Variants in CD86 observed in about 807,000 individuals in gnomAD.
The protein encoded by CD86 is CD86 molecule, also known as T-lymphocyte activation antigen CD86.
CD86 carries 11 observed loss-of-function variants against 32.1 expected under a neutral mutation model. The ratio of observed to expected loss-of-function variants is 0.34; its 90% CI spans 0.22 to 0.57. The LOEUF is 0.57. Ranked by LOEUF, CD86 falls within the 20% of genes least tolerant of loss-of-function variation. CD86 has a pLI of 0.86. For missense variants in CD86, 359 were observed against 398.4 expected, an observed-to-expected ratio of 0.90 and a Z score of 0.84; for synonymous variants, 137 against 135.3, an observed-to-expected ratio of 1.01 and a Z score of -0.09.
intron 2 of CD86, among the ~76,000 whole-genome samples, chr3:122,098,735 T>C (rs2107533093): frequency 6.6e-6 from 1 of 152,294 alleles, no homozygotes; most frequent in African/African-American, 2.4e-5. Flanking sequence ...TCTTAACATA[T>C]TGGAGTTCAG....
rs887781625 is a variant in CD86, at chr3:122,108,754, C to G, written c.704-511C>G. The stretch of plus-strand genomic sequence containing the variant: ...CTGCTGTGACCTCAGTAGGAAAAAA[C>G]TAAACAAACAAGCAAATGAAAACTA... On this transcript the variant is annotated intron_variant, in intron 4 of 6. Transcript: ENST00000330540. 5.3e-5 allele frequency among the ~76,000 whole-genome samples: 8 copies of G among 152,222 alleles called. No individual in the cohort carries two copies. The South Asian group carries it at 1.7e-3, about 32-fold the overall frequency.
chr3:122,086,727 T>A (rs1417962981), intron 1 of CD86: 3 of 405,882 alleles, frequency 7.4e-6, no homozygotes, highest in Admixed American at 2.6e-5. Flanking sequence ...AAGGGATACT[T>A]TGGGGCCCCT....
intron 1 of CD86, among the ~76,000 whole-genome samples, chr3:122,061,764 A>C (rs997528707): frequency 2.0e-5 from 3 of 152,230 alleles, no homozygotes; most frequent in Non-Finnish European, 4.4e-5. Flanking sequence ...TGGTCAAGCC[A>C]CTCTAGAAAA....
intron 1 of CD86, among the ~76,000 whole-genome samples, chr3:122,088,052 T>C (rs1017861747): frequency 6.6e-6 from 1 of 152,142 alleles, no homozygotes; most frequent in African/African-American, 2.4e-5. Flanking sequence ...TATAATTTGA[T>C]TTGTGTCCCT....
intron 6 of CD86, 69 bp downstream of exon 6, chr3:122,118,162 G>C: frequency 1.5e-6 from 2 of 1,311,084 alleles, no homozygotes; most frequent in Non-Finnish European, 2.2e-6. Flanking sequence ...ACTTGAATAG[G>C]CTTATGCCTA....
intron 1 of CD86, among the ~76,000 whole-genome samples, chr3:122,068,514 A>T (rs2107505014): frequency 6.6e-6 from 1 of 152,230 alleles, no homozygotes; most frequent in East Asian, 1.9e-4. Context: ...TTAGACAAAT[A>T]GGCCACTTAA....
rs756459360 is a variant in CD86 at position 122,109,320 on chromosome 3, T to C, written c.759T>C (p.Leu253=). The C allele has an allele frequency of 4.3e-6, 7 of 1,613,954 alleles. No individual in the cohort carries two copies. The African/African-American group carries it at 9.3e-5, about 22-fold the overall frequency. The stretch of plus-strand genomic sequence containing the variant: ...ACATTCCTTGGATTACAGCTGTACT[T>C]CCAACAGTTATTATATGTGTGATGG... ...PDHIPWITAV[L]PTVIICVMVF... is the part of the protein sequence containing the mutation. Residue 253 remains leucine (L), a synonymous_variant, in exon 5 of 7, where the codon CTT becomes CTC. Transcript: ENST00000330540.
chr3:122,119,519 T>A lies in CD86; in HGVS notation c.975T>A (p.Ser325Arg). The A allele has an allele frequency of 6.3e-7, 1 of 1,594,878 alleles. No individual in the cohort carries two copies. The highest frequency in any genetic ancestry group is 8.6e-7 in the Non-Finnish European group (1 of 1,162,738). Residue 325 changes from serine (S) to arginine (R), a missense_variant, in exon 7 of 7, where the codon AGT becomes AGA. Transcript: ENST00000330540. ...CGAAGACATCTTCATGCGACAAAAG[T>A]GATACATGTTTTTAATTAAAGAGTA... ...KSSKTSSCDKSDTCF is the reference protein window; with the variant it reads ...KSSKTSSCDKRDTCF
chr3:122,101,572 C>T (rs2073010486), intron 2 of CD86, among the ~76,000 whole-genome samples: 2 of 140,142 alleles, frequency 1.4e-5, no homozygotes, highest in South Asian at 4.5e-4. Flanking sequence ...CAGCTAAAGA[C>T]GAAGTCATTT....
chr3:122,104,095 G>GA (rs1259399288), intron 3 of CD86, among the ~76,000 whole-genome samples: 1 of 151,948 alleles, frequency 6.6e-6, no homozygotes, highest in East Asian at 1.9e-4. Context: ...CTGCTTTGGG[G>GA]AAAAAATAGA....
At chr3:122,108,205 C>T (rs2073120714) in intron 4 of CD86, among the ~76,000 whole-genome samples, 3 of 152,342 alleles carry the variant, frequency 2.0e-5, no homozygotes, top group South Asian at 4.1e-4. Flanking sequence ...GCTCTAGCTG[C>T]CTCAGGAAGA....
rs569458278 is a variant in CD86 at position 122,091,521 on chromosome 3, G to A, written c.15-80G>A. The A allele has an allele frequency of 5.7e-5, 65 of 1,131,334 alleles. No homozygotes were observed. The African/African-American group carries it at 6.6e-4, about 11-fold the overall frequency. The allele number at this position is 1,131,334 out of a possible 1,614,324, so 70.1% of individuals were successfully genotyped here. A position where few individuals can be genotyped will look rare whatever the true frequency, so the allele number is the denominator to read the frequency against. On this transcript the variant is annotated intron_variant, in intron 1 of 6. Coordinates refer to ENST00000330540, the MANE Select transcript of CD86 (RefSeq NM_175862.5). ...AACCCAAGTGAATCCCAAACTCCAC[G>A]TCCAGGTCATGTTTTGGTGAACATC...
At chr3:122,098,392 G>C (rs2072942596) in intron 2 of CD86, among the ~76,000 whole-genome samples, 2 of 152,174 alleles carry the variant, frequency 1.3e-5, no homozygotes. Flanking sequence ...ACTTGAGACA[G>C]AGTGTGTGAT....
At chr3:122,103,911 G>GA in intron 3 of CD86, 64 bp downstream of exon 3, 1 of 1,348,780 alleles carries the variant, frequency 7.4e-7, no homozygotes, top group East Asian at 2.3e-5. Flanking sequence ...AAATGAGTTA[G>GA]AAAAACACTG....
At chr3:122,103,919 C>G in intron 3 of CD86, 72 bp downstream of exon 3, 1 of 1,288,264 alleles carries the variant, frequency 7.8e-7, no homozygotes, top group Non-Finnish European at 1.1e-6. Context: ...TAGAAAAACA[C>G]TGGAGGGGGA....
At chr3:122,088,779 G>A (rs927650817) in intron 1 of CD86, among the ~76,000 whole-genome samples, 1 of 152,194 alleles carries the variant, frequency 6.6e-6, no homozygotes, top group African/African-American at 2.4e-5. Context: ...CAGTTCCTCA[G>A]AAAATTAAAA....
At chr3:122,117,185 T>C (rs1461650264) in intron 5 of CD86, among the ~76,000 whole-genome samples, 2 of 152,188 alleles carry the variant, frequency 1.3e-5, no homozygotes, top group Non-Finnish European at 2.9e-5. Flanking sequence ...CTGTACCCAA[T>C]GTGTAGTCTT....
At chr3:122,056,564 C>T (rs1334348455) in intron 1 of CD86, among the ~76,000 whole-genome samples, 1 of 152,110 alleles carries the variant, frequency 6.6e-6, no homozygotes, top group East Asian at 1.9e-4. Flanking sequence ...GATCTCTTGA[C>T]CTTGTGATCT....
intron 2 of CD86, 74 bp from the exon 3 acceptor site, chr3:122,103,438 G>T: frequency 1.1e-6 from 1 of 918,104 alleles, no homozygotes; most frequent in Non-Finnish European, 1.7e-6. Flanking sequence ...TCTGGGTATT[G>T]TATAAAGAGA....
Sources: allele counts gnomAD v4.1 joint callset (sites outside exome capture counted in the v4.1 genomes callset), GRCh38; gene constraint gnomAD v4.1.1; transcripts MANE v1.5; gene names NCBI Gene and HGNC (gene_info 2026-07-23, HGNC 2026-07-21).